KIRREL3: variants seen among roughly 807,000 people sequenced by gnomAD.
KIRREL3 encodes the protein kin of IRRE-like protein 3.
In KIRREL3, 36 loss-of-function variants were observed where a neutral mutation model predicts 89.7. The ratio of observed to expected loss-of-function variants is 0.40; its 90% CI spans 0.31 to 0.53. The LOEUF (loss-of-function observed/expected upper bound fraction) is 0.53, where lower values mean the gene tolerates loss of function less well. Among genes scored for constraint, KIRREL3 ranks in the 20% least tolerant of loss-of-function variants. The pLI is 0.49. For missense variants in KIRREL3, 864 were observed against 1,056.6 expected, an observed-to-expected ratio of 0.82 and a Z score of 2.53; for synonymous variants, 445 against 441.4, an observed-to-expected ratio of 1.01 and a Z score of -0.10.
chr11:126,712,203 C>T (rs1276910618), intron 1 of KIRREL3, among the ~76,000 whole-genome samples: 5 of 151,306 alleles, frequency 3.3e-5, no homozygotes, highest in African/African-American at 9.7e-5. Flanking sequence ...TCTGCAATCA[C>T]GAAAGTGACA....
At position 126,923,176 on chromosome 11, in the gene KIRREL3, C is replaced by CTTCTCT. The variant is rs766266024; in HGVS notation, c.55+77278_55+77279insAGAGAA. On this transcript the variant is annotated intron_variant, in intron 1 of 16. Coordinates refer to ENST00000525144, the MANE Select transcript of KIRREL3 (RefSeq NM_032531.4). ...TCTTCTTCTTCTTCTTCTTCTTCTT[C>CTTCTCT]TCTTCTTCTTCTCTTCTTCTTCTTC... is the stretch of plus-strand genomic sequence containing the variant. 2.2e-3 allele frequency among the ~76,000 whole-genome samples: 39 copies of CTTCTCT among 17,994 alleles called. 5 individuals are homozygous for CTTCTCT. The highest frequency in any genetic ancestry group is 3.8e-3 in the African/African-American group (16 of 4,260). 11.8% of individuals were successfully genotyped at this position (17,994 alleles called of 152,430 possible).
intron 2 of KIRREL3, among the ~76,000 whole-genome samples, chr11:126,548,707 G>C (rs971891690): frequency 1.3e-5 from 2 of 152,184 alleles, no homozygotes; most frequent in African/African-American, 4.8e-5. Flanking sequence ...GTAAGATAAG[G>C]GCATCCTCCA....
intron 4 of KIRREL3, among the ~76,000 whole-genome samples, chr11:126,512,270 G>T (rs117480247): frequency 1.3e-5 from 2 of 152,240 alleles, no homozygotes; most frequent in Non-Finnish European, 2.9e-5. Flanking sequence ...CTATCAGGGC[G>T]ACACTGATGA....
Position 126,463,685 on chromosome 11 carries a change from G to A in KIRREL3, c.592-378C>T, listed in dbSNP as rs994907217. 2.6e-5 allele frequency among the ~76,000 whole-genome samples: 4 copies of A among 152,276 alleles called. No homozygotes were observed. Among genetic ancestry groups the A allele is most frequent in the South Asian group, 2.1e-4 (1 of 4,826 alleles). On this transcript the variant is annotated intron_variant, in intron 5 of 16. Transcript: ENST00000525144. The surrounding 1 kb of genome is among the most constrained non-coding windows in gnomAD (Gnocchi z 5.9). ...TCTGGTGCTTGAGTGACAGTCTCAG[G>A]CTCTGTAGGAAGCAACGAGATGGTT...
rs571143047 is a variant in KIRREL3 at position 126,564,642 on chromosome 11, C to T, written c.56-1730G>A. On this transcript the variant is annotated intron_variant, in intron 1 of 16. Coordinates refer to ENST00000525144, the MANE Select transcript of KIRREL3 (RefSeq NM_032531.4). This position sits in a 1 kb window ranked among gnomAD's most constrained non-coding sequence, Gnocchi z 7.4. Reference sequence around the variant, plus strand: ...CCAAATTGACGATGTTAAGTTCCCTCATTCAAGGCCTTGGCCCTTTCTTCA... The same window carrying T: ...CCAAATTGACGATGTTAAGTTCCCTTATTCAAGGCCTTGGCCCTTTCTTCA... Among the ~76,000 whole-genome samples, 1 of 152,362 alleles carries T rather than the reference C, an allele frequency of 6.6e-6. No homozygotes were observed. The highest frequency in any genetic ancestry group is 2.1e-4 in the South Asian group (1 of 4,832).
rs570100611 is a variant in KIRREL3, at chr11:126,990,370, C to T, written c.55+10085G>A. Among the ~76,000 whole-genome samples, 5 of 152,168 alleles carry T rather than the reference C, an allele frequency of 3.3e-5. No individual in the cohort carries two copies. Among genetic ancestry groups the T allele is most frequent in the African/African-American group, 1.2e-4 (5 of 41,442 alleles). The stretch of plus-strand genomic sequence containing the variant: ...TCAGGAGAGAGGAACCCGCCTCCTG[C>T]GAGAGCCGCCGCCATCTGTAACGTT... On this transcript the variant is annotated intron_variant, in intron 1 of 16. Coordinates refer to ENST00000525144, the MANE Select transcript of KIRREL3 (RefSeq NM_032531.4). The surrounding 1 kb of genome is among the most constrained non-coding windows in gnomAD (Gnocchi z 6.3).
rs574324636 is a variant in KIRREL3 at position 126,561,429 on chromosome 11, T to G, written c.133+1406A>C. Among the ~76,000 whole-genome samples the G allele has an allele frequency of 4.6e-5, 7 of 152,294 alleles. No individual in the cohort carries two copies. In the South Asian group the frequency reaches 1.4e-3, roughly 32 times the overall value. ...GGCTTCCCCAATCCCTACAAACCTC[T>G]TTCGAGCTTCTCTAATGAGCATCGC... On this transcript the variant is annotated intron_variant, in intron 2 of 16. Transcript: ENST00000525144. This position sits in a 1 kb window ranked among gnomAD's most constrained non-coding sequence, Gnocchi z 4.5.
Position 126,739,579 on chromosome 11 carries a change from G to T in KIRREL3, c.56-176667C>A, listed in dbSNP as rs928162746. 2.0e-5 allele frequency among the ~76,000 whole-genome samples: 3 copies of T among 152,198 alleles called. No homozygotes were observed. Among genetic ancestry groups the T allele is most frequent in the African/African-American group, 7.2e-5 (3 of 41,446 alleles). ...TGGCCTGTTCATACTCTTCCTGAAG[G>T]TATGTCACCTGGCTTTGTATGACAG... is the stretch of plus-strand genomic sequence containing the variant. On this transcript the variant is annotated intron_variant, in intron 1 of 16. Transcript: ENST00000525144. The surrounding 1 kb of genome is among the most constrained non-coding windows in gnomAD (Gnocchi z 5.5).
intron 1 of KIRREL3, among the ~76,000 whole-genome samples, chr11:126,850,449 G>T (rs1944303435): frequency 6.6e-6 from 1 of 152,128 alleles, no homozygotes; most frequent in African/African-American, 2.4e-5. Context: ...CCTTGAGTTG[G>T]GGTAGAGGCA....
chr11:126,713,606 C>T (rs920580666), intron 1 of KIRREL3, among the ~76,000 whole-genome samples: 8 of 152,186 alleles, frequency 5.3e-5, no homozygotes, highest in African/African-American at 1.7e-4. Flanking sequence ...GTAGACGCAA[C>T]AGGCTCTGGT....
At position 126,516,772 on chromosome 11, in the gene KIRREL3, AAGG is replaced by A. The variant is rs1374968697; in HGVS notation, c.433+4540_433+4542del. ...ACCCTGGGATTCCTGTAGGTGGAAG[AAGG>A]AGCAGTCTGCATGTATATGTGTACA... On this transcript the variant is annotated intron_variant, in intron 4 of 16. Coordinates refer to ENST00000525144, the MANE Select transcript of KIRREL3 (RefSeq NM_032531.4). The surrounding 1 kb of genome is among the most constrained non-coding windows in gnomAD (Gnocchi z 4.9). Among the ~76,000 whole-genome samples, 1 of 152,198 alleles carries A rather than the reference AAGG, an allele frequency of 6.6e-6. No individual in the cohort carries two copies. Among genetic ancestry groups the A allele is most frequent in the Non-Finnish European group, 1.5e-5 (1 of 68,032 alleles).
chr11:126,929,961 C>T lies in KIRREL3; in HGVS notation c.55+70494G>A, dbSNP rs560763563. On this transcript the variant is annotated intron_variant, in intron 1 of 16. Transcript: ENST00000525144. ...TGTGGGGGAGCCACCCCCCCCCCCC[C>T]ACCTCACCGATTCCCAAGTACACTT... is the stretch of plus-strand genomic sequence containing the variant. 4.5e-4 allele frequency among the ~76,000 whole-genome samples: 66 copies of T among 147,882 alleles called. No homozygotes were observed. In the South Asian group the frequency reaches 4.5e-3, roughly 10 times the overall value.
rs77611739 is a variant in KIRREL3, at chr11:126,772,235, A to T, written c.56-209323T>A. Among the ~76,000 whole-genome samples, 353 of 152,356 alleles carry T rather than the reference A, an allele frequency of 2.3e-3. 2 individuals carry two copies. The highest frequency in any genetic ancestry group is 0.011 in the East Asian group (56 of 5,184). ...GGATGCACTACAAATCAGAAAGAAC[A>T]GTGCTAAGATTTGGATAGGGGAATT... On this transcript the variant is annotated intron_variant, in intron 1 of 16. Coordinates refer to ENST00000525144, the MANE Select transcript of KIRREL3 (RefSeq NM_032531.4). This position sits in a 1 kb window ranked among gnomAD's most constrained non-coding sequence, Gnocchi z 4.6.
chr11:126,564,698 A>T lies in KIRREL3; in HGVS notation c.56-1786T>A, dbSNP rs78797447. ...TCCTGCTCTGTCGCAGGCCTCATGG[A>T]TCAAAGCCCCTTTGATGTTTACTTA... On this transcript the variant is annotated intron_variant, in intron 1 of 16. Transcript: ENST00000525144. This position sits in a 1 kb window ranked among gnomAD's most constrained non-coding sequence, Gnocchi z 7.4. Among the ~76,000 whole-genome samples the T allele has an allele frequency of 0.022, 3,333 of 152,214 alleles. 51 individuals carry two copies. The highest frequency in any genetic ancestry group is 0.03 in the Non-Finnish European group (2,032 of 68,006).
At position 126,968,166 on chromosome 11, in the gene KIRREL3, T is replaced by G. The variant is rs114575828; in HGVS notation, c.55+32289A>C. Among the ~76,000 whole-genome samples, 983 of 152,346 alleles carry G rather than the reference T, an allele frequency of 6.5e-3. 7 individuals are homozygous for G. Among genetic ancestry groups the G allele is most frequent in the African/African-American group, 0.022 (918 of 41,576 alleles). ...TTTCATTTTGCTTTTCAAATTAGTT[T>G]GGGAGTTGGTGTTCTTCTTTACATA... On this transcript the variant is annotated intron_variant, in intron 1 of 16. Coordinates refer to ENST00000525144, the MANE Select transcript of KIRREL3 (RefSeq NM_032531.4).
intron 1 of KIRREL3, among the ~76,000 whole-genome samples, chr11:126,925,781 C>A (rs1009144885): frequency 1.3e-5 from 2 of 152,244 alleles, no homozygotes; most frequent in Non-Finnish European, 2.9e-5. Flanking sequence ...AGCATGGCTG[C>A]ACTGCAACAG....
intron 1 of KIRREL3, among the ~76,000 whole-genome samples, chr11:126,878,324 G>T (rs1490268444): frequency 6.6e-6 from 1 of 152,096 alleles, no homozygotes; most frequent in Non-Finnish European, 1.5e-5. Context: ...GACTAATGGG[G>T]TCTCACCACC....
At position 126,981,853 on chromosome 11, in the gene KIRREL3, A is replaced by G. The variant is rs7940125; in HGVS notation, c.55+18602T>C. 0.015 allele frequency among the ~76,000 whole-genome samples: 2,262 copies of G among 151,970 alleles called. 48 individuals carry two copies. Among genetic ancestry groups the G allele is most frequent in the African/African-American group, 0.051 (2,116 of 41,432 alleles). On this transcript the variant is annotated intron_variant, in intron 1 of 16. Transcript: ENST00000525144. The surrounding 1 kb of genome is among the most constrained non-coding windows in gnomAD (Gnocchi z 4.2). ...AGCCATCTGAGCTTCTGTAGCACAC[A>G]CTCCCTTGCTTGGGGGCTCTGCTGG... is the stretch of plus-strand genomic sequence containing the variant.
chr11:126,483,547 C>A (rs1186134814), intron 4 of KIRREL3, among the ~76,000 whole-genome samples: 3 of 152,216 alleles, frequency 2.0e-5, no homozygotes, highest in Non-Finnish European at 4.4e-5. Context: ...TCCCTCCGAT[C>A]CATTCTCCCT....
Sources: gnomAD v4.1 joint callset for allele counts (sites outside exome capture counted in the v4.1 genomes callset) on GRCh38, gnomAD v4.1.1 for gene constraint, Gnocchi (gnomAD v3.1) non-coding constraint, MANE v1.5 for transcripts, NCBI Gene and HGNC (gene_info 2026-07-23, HGNC 2026-07-21) for gene names.